The following INTS7 variants were observed in gnomAD, a reference collection of about 807,000 sequenced individuals.
The protein encoded by INTS7 is chromosome 1 open reading frame 73.
INTS7 carries 46 observed loss-of-function variants against 109.2 expected under a neutral mutation model. That is an observed-to-expected ratio of 0.42 (90% confidence interval 0.33 to 0.54). The LOEUF (loss-of-function observed/expected upper bound fraction) is 0.54. Ranked by LOEUF, INTS7 falls within the 20% of genes least tolerant of loss-of-function variation. The probability of loss-of-function intolerance (pLI) is 0.07; values close to 1 mark genes in which losing one functional copy is unlikely to be tolerated. For missense variants in INTS7, 929 were observed against 1,132.4 expected (o/e 0.82, Z 2.58); for synonymous variants, 412 against 402.9 (o/e 1.02, Z -0.27).
chr1:212,006,434 T>C (rs546469771), intron 7 of INTS7, among the ~76,000 whole-genome samples: 6 of 152,322 alleles, frequency 3.9e-5, no homozygotes, highest in Non-Finnish European at 1.5e-5. Flanking sequence ...TTTCACTGAC[T>C]AAAACAAACA....
chr1:211,956,141 A>G (rs1231094634), intron 16 of INTS7, among the ~76,000 whole-genome samples: 1 of 152,208 alleles, frequency 6.6e-6, no homozygotes, highest in Non-Finnish European at 1.5e-5. Context: ...TAGTTGTTCT[A>G]GCACAATCTG....
chr1:211,963,116 C>T (rs961067286), intron 16 of INTS7, among the ~76,000 whole-genome samples: 7 of 152,042 alleles, frequency 4.6e-5, no homozygotes, highest in South Asian at 4.2e-4. Context: ...ATTTGATAGA[C>T]GGCTGGCTAG....
chr1:211,955,708 A>G (rs1354935351), intron 16 of INTS7, among the ~76,000 whole-genome samples: 2 of 152,192 alleles, frequency 1.3e-5, no homozygotes, highest in Non-Finnish European at 2.9e-5. Context: ...TATTTTACAT[A>G]TATTAGTTCA....
rs991363459 is a variant in INTS7, at chr1:211,987,775, T to A, written c.997+111A>T. 4 of 547,638 alleles carry A rather than the reference T, an allele frequency of 7.3e-6. No homozygotes were observed. In the Admixed American group the frequency reaches 1.2e-4, roughly 17 times the overall value. The allele number at this position is 547,638 out of a possible 1,614,324, so 33.9% of individuals were successfully genotyped here. A position where few individuals can be genotyped will look rare whatever the true frequency, so the allele number is the denominator to read the frequency against. On this transcript the variant is annotated intron_variant, in intron 8 of 19. Transcript: ENST00000366994. ...TAAATCACTAGCATGCAATGGAGTATGAGATTTTTTTCCCTGATGTTAAAG... is the reference window on the plus strand; with the variant it reads ...TAAATCACTAGCATGCAATGGAGTAAGAGATTTTTTTCCCTGATGTTAAAG...
chr1:212,035,521 G>C lies in INTS7; in HGVS notation c.-84C>G. 1 of 1,097,866 alleles carries C rather than the reference G, an allele frequency of 9.1e-7. No individual in the cohort carries two copies. The highest frequency in any genetic ancestry group is 1.3e-5 in the South Asian group (1 of 79,496). 68.0% of individuals were successfully genotyped at this position (1,097,866 alleles called of 1,614,324 possible). A position where few individuals can be genotyped will look rare whatever the true frequency, so the allele number is the denominator to read the frequency against. On this transcript the variant is annotated 5_prime_UTR_variant, in exon 1 of 20. Coordinates refer to ENST00000366994, the MANE Select transcript of INTS7 (RefSeq NM_015434.4). ...CGCCATCTTCCCCCGCCGCCTTCTT[G>C]CTGGTTTTTCTTCCGCGCGCTGTCA...
intron 7 of INTS7, among the ~76,000 whole-genome samples, chr1:212,001,158 C>G (rs140353625): frequency 0.027 from 4,043 of 151,644 alleles, 80 homozygotes; most frequent in Non-Finnish European, 0.04. Context: ...CCTCTGCTTC[C>G]CGGATTCAAG....
intron 7 of INTS7, among the ~76,000 whole-genome samples, chr1:211,996,234 G>T (rs1340870120): frequency 6.6e-6 from 1 of 151,890 alleles, no homozygotes; most frequent in Non-Finnish European, 1.5e-5. Flanking sequence ...CCAGCCTGGT[G>T]AACCCGGCGA....
chr1:211,988,828 G>A (rs1225553689), intron 7 of INTS7, among the ~76,000 whole-genome samples: 14 of 152,150 alleles, frequency 9.2e-5, no homozygotes, highest in Admixed American at 8.5e-4. Context: ...TAAGTGAACA[G>A]AGCTATCTTC....
chr1:212,030,169 G>A (rs2102505407), intron 1 of INTS7, among the ~76,000 whole-genome samples: 1 of 152,228 alleles, frequency 6.6e-6, no homozygotes, highest in Middle Eastern at 3.4e-3. Context: ...GTGGGTTTCA[G>A]TAAAAACTTG....
At chr1:212,016,447 T>A (rs1436304475) in intron 4 of INTS7, among the ~76,000 whole-genome samples, 1 of 152,320 alleles carries the variant, frequency 6.6e-6, no homozygotes, top group South Asian at 2.1e-4. Context: ...GGACATGACA[T>A]TCTGAATAGG....
intron 1 of INTS7, chr1:212,031,038 T>G (rs1667137539): frequency 6.6e-6 from 1 of 152,240 alleles, no homozygotes; most frequent in Admixed American, 6.5e-5. Context: ...TCAAGGTTTT[T>G]CACACAGCAT....
chr1:211,952,600 A>G lies in INTS7; in HGVS notation c.2285T>C (p.Leu762Pro). The change falls in exon 17 of 20, where the codon CTC becomes CCC. Residue 762 changes from leucine (L) to proline (P), a missense_variant. Physicochemically the swap from Leu to Pro is moderately conservative, Grantham distance 98. Around this residue, in one of 2 missense-constraint regions of INTS7, gnomAD observed 787 missense variants for 901.1 expected, o/e 0.87. Transcript: ENST00000366994. ...AGAAACAGGGGTATATTTCCGATTG[A>G]GTGATTCTACCTCCTCCAAGACATG... ...YNHVLEEVES[L>P]NRKYTPVSYM... is the part of the protein sequence containing the mutation. The G allele has an allele frequency of 1.2e-6, 2 of 1,613,334 alleles. No homozygotes were observed. Among genetic ancestry groups the G allele is most frequent in the Non-Finnish European group, 1.7e-6 (2 of 1,179,630 alleles).
chr1:212,015,417 C>A (rs1009539205), intron 4 of INTS7, among the ~76,000 whole-genome samples: 1 of 151,834 alleles, frequency 6.6e-6, no homozygotes, highest in Non-Finnish European at 1.5e-5. Context: ...CCCCAACCCC[C>A]TGCTCTCTGA....
intron 7 of INTS7, among the ~76,000 whole-genome samples, chr1:211,989,009 A>G (rs115466612): frequency 0.011 from 1,634 of 152,344 alleles, 29 homozygotes; most frequent in African/African-American, 0.037. Flanking sequence ...TGCATGTAAT[A>G]TAACAAGTCA....
intron 7 of INTS7, among the ~76,000 whole-genome samples, chr1:211,995,828 A>G (rs74810461): frequency 0.057 from 8,655 of 152,228 alleles, 283 homozygotes; most frequent in Non-Finnish European, 0.074. Context: ...CCCTTCCACC[A>G]TGTGAGGGCC....
At chr1:211,944,658 T>C (rs1662773424) in intron 19 of INTS7, 126 bp downstream of exon 19, 1 of 749,414 alleles carries the variant, frequency 1.3e-6, no homozygotes, top group East Asian at 2.6e-5. Context: ...GGGCTTTTAA[T>C]TTATGTCCAT....
At chr1:211,985,281 A>T (rs950634906) in intron 8 of INTS7, among the ~76,000 whole-genome samples, 1 of 152,202 alleles carries the variant, frequency 6.6e-6, no homozygotes, top group Non-Finnish European at 1.5e-5. Flanking sequence ...TCTGATATTG[A>T]ACATCTTATA....
Position 211,967,951 on chromosome 1 carries a change from G to C in INTS7, c.2041C>G (p.Leu681Val). The change falls in exon 15 of 20, where the codon CTT becomes GTT. Residue 681 changes from leucine (L) to valine (V), a missense_variant. By Grantham distance (32) the Leu-to-Val change is conservative. Transcript: ENST00000366994. Reference protein sequence around the residue: ...MKQSMEEFRSLASRYGDLYQA... With the variant: ...MKQSMEEFRSVASRYGDLYQA... ...TAAAGATCTCCATATCGAGAAGCAA[G>C]GCTTCGAAATTCTTCCATGGACTGT... The C allele has an allele frequency of 6.2e-7, 1 of 1,605,206 alleles. No individual in the cohort carries two copies. The highest frequency in any genetic ancestry group is 8.5e-7 in the Non-Finnish European group (1 of 1,175,512).
intron 7 of INTS7, among the ~76,000 whole-genome samples, chr1:211,998,425 C>T (rs1031198380): frequency 6.6e-6 from 1 of 152,182 alleles, no homozygotes; most frequent in Non-Finnish European, 1.5e-5. Context: ...ATATTGTCAA[C>T]TGATTTTCAA....
Sources: allele counts gnomAD v4.1 joint callset (sites outside exome capture counted in the v4.1 genomes callset), GRCh38; gene constraint gnomAD v4.1.1; regional missense constraint gnomAD v4.1.1; transcripts MANE v1.5; gene names NCBI Gene and HGNC (gene_info 2026-07-23, HGNC 2026-07-21).